Variants in ARHGEF10 observed in about 807,000 individuals in gnomAD.
The protein encoded by ARHGEF10 is Rho guanine nucleotide exchange factor 10.
In ARHGEF10, 140 loss-of-function variants were observed where a neutral mutation model predicts 147.4. The observed-to-expected ratio is 0.95, with a 90% CI of 0.83 to 1.09. The LOEUF is 1.09. Ranked by LOEUF, ARHGEF10 falls within the 50% of genes least tolerant of loss-of-function variation. The probability of loss-of-function intolerance (pLI) is 0.00; values close to 1 mark genes in which losing one functional copy is unlikely to be tolerated. For missense variants in ARHGEF10, 2,222 were observed against 1,752.7 expected (o/e 1.27, Z -4.78); for synonymous variants, 902 against 695.8 (o/e 1.30, Z -4.67).
intron 23 of ARHGEF10, chr8:1,927,318 G>A (rs1812764875): frequency 6.6e-6 from 1 of 152,208 alleles, no homozygotes; most frequent in African/African-American, 2.4e-5. Flanking sequence ...CAGGGGCTTG[G>A]CAGATTGGCA....
At chr8:1,890,577 GTA>G (rs1809437825) in intron 11 of ARHGEF10, among the ~76,000 whole-genome samples, 1 of 151,266 alleles carries the variant, frequency 6.6e-6, no homozygotes, top group African/African-American at 2.4e-5. Context: ...CACTGAGTGT[GTA>G]AGGGTCTGTG....
chr8:1,887,519 G>C (rs1808779614), intron 11 of ARHGEF10, among the ~76,000 whole-genome samples: 3 of 151,286 alleles, frequency 2.0e-5, no homozygotes, highest in Non-Finnish European at 2.9e-5. Context: ...GAGACCCTGA[G>C]TGGGGTGAGG....
chr8:1,952,277 G>A (rs1342846727), intron 27 of ARHGEF10, among the ~76,000 whole-genome samples: 1 of 152,230 alleles, frequency 6.6e-6, no homozygotes, highest in Non-Finnish European at 1.5e-5. Context: ...CCCATTAAGA[G>A]ACCTCTCCTC....
chr8:1,830,843 G>T (rs1803054913), intron 1 of ARHGEF10, among the ~76,000 whole-genome samples: 1 of 152,246 alleles, frequency 6.6e-6, no homozygotes, highest in South Asian at 2.1e-4. Context: ...GCCATGGCAG[G>T]CGAGGCGCCA....
intron 27 of ARHGEF10, among the ~76,000 whole-genome samples, chr8:1,952,265 C>T (rs576976662): frequency 4.7e-4 from 71 of 152,310 alleles, no homozygotes; most frequent in African/African-American, 1.6e-3. Context: ...AGTCCAGCCG[C>T]GCCCATTAAG....
rs1292006038 is a variant in ARHGEF10 at position 1,946,046 on chromosome 8, G to C, written c.3397+391G>C. 4 of 371,260 alleles carry C rather than the reference G, an allele frequency of 1.1e-5. No individual in the cohort carries two copies. In the East Asian group the frequency reaches 2.0e-4, roughly 18 times the overall value. 23.0% of individuals were successfully genotyped at this position (371,260 alleles called of 1,614,324 possible). Reference sequence around the variant, plus strand: ...ACAGGAGGCCTCCCTTTGGCTGGGAGGGCTGTTGGGGAGAGGCCAACAGAG... The same window carrying C: ...ACAGGAGGCCTCCCTTTGGCTGGGACGGCTGTTGGGGAGAGGCCAACAGAG... On this transcript the variant is annotated intron_variant, in intron 27 of 28. Transcript: ENST00000349830.
At chr8:1,844,873 C>T (rs912394266) in intron 2 of ARHGEF10, among the ~76,000 whole-genome samples, 1 of 151,996 alleles carries the variant, frequency 6.6e-6, no homozygotes, top group South Asian at 2.1e-4. Context: ...TTGAGACCAG[C>T]CTGGGCAACG....
chr8:1,856,726 T>C (rs551379508), intron 2 of ARHGEF10, among the ~76,000 whole-genome samples: 1 of 152,164 alleles, frequency 6.6e-6, no homozygotes, highest in Non-Finnish European at 1.5e-5. Flanking sequence ...CCACGGGGGA[T>C]TGTCTGTGTT....
At chr8:1,826,568 G>T (rs1256231494) in intron 1 of ARHGEF10, among the ~76,000 whole-genome samples, 2 of 152,170 alleles carry the variant, frequency 1.3e-5, no homozygotes, top group African/African-American at 4.8e-5. Context: ...GGACTTGAGG[G>T]TGCTCACTTA....
chr8:1,828,175 G>C (rs1200933435), intron 1 of ARHGEF10, among the ~76,000 whole-genome samples: 1 of 152,244 alleles, frequency 6.6e-6, no homozygotes, highest in Non-Finnish European at 1.5e-5. Context: ...TCAGGCTCCT[G>C]CAAGTCGTAG....
chr8:1,910,170 A>G (rs1811253380), intron 18 of ARHGEF10, among the ~76,000 whole-genome samples: 1 of 152,216 alleles, frequency 6.6e-6, no homozygotes, highest in Non-Finnish European at 1.5e-5. Flanking sequence ...AGAACAATTT[A>G]AAAAACACGA....
chr8:1,945,781 T>C, intron 27 of ARHGEF10, 126 bp downstream of exon 27: 2 of 1,407,510 alleles, frequency 1.4e-6, no homozygotes, highest in Non-Finnish European at 2.0e-6. Flanking sequence ...TGCTGCCAGG[T>C]AATGGGGTGG....
Position 1,885,662 on chromosome 8 carries a change from G to A in ARHGEF10, c.1137G>A (p.Pro379=), listed in dbSNP as rs954203248. The A allele has an allele frequency of 8.7e-6, 14 of 1,613,986 alleles. No homozygotes were observed. The highest frequency in any genetic ancestry group is 3.3e-5 in the Admixed American group (2 of 60,012). ...TCATTGATGTTGACTGCAAGCACCC[G>A]GAAGCCATCTTGACCCCGATGCCCG... ...NLFIDVDCKH[P]EAILTPMPEG... Residue 379 remains proline (P), a synonymous_variant, in exon 11 of 29, where the codon CCG becomes CCA. Transcript: ENST00000349830.
chr8:1,911,153 G>T (rs1381925071), intron 18 of ARHGEF10, among the ~76,000 whole-genome samples: 1 of 152,184 alleles, frequency 6.6e-6, no homozygotes, highest in Non-Finnish European at 1.5e-5. Context: ...CTATTAAAAA[G>T]AAATATGCCA....
At chr8:1,828,072 C>G (rs1171119311) in intron 1 of ARHGEF10, among the ~76,000 whole-genome samples, 1 of 152,182 alleles carries the variant, frequency 6.6e-6, no homozygotes. Flanking sequence ...ATGAAGAAAA[C>G]AGAAGGAATG....
At chr8:1,930,731 T>C (rs1273554995) in intron 25 of ARHGEF10, among the ~76,000 whole-genome samples, 2 of 152,246 alleles carry the variant, frequency 1.3e-5, no homozygotes, top group African/African-American at 4.8e-5. Flanking sequence ...GGAGGCTCTC[T>C]CGACCTGCTC....
intron 18 of ARHGEF10, among the ~76,000 whole-genome samples, chr8:1,910,738 A>T (rs1750064000): frequency 6.6e-6 from 1 of 152,220 alleles, no homozygotes; most frequent in South Asian, 2.1e-4. Flanking sequence ...ATTATTTGGA[A>T]ACATTGATTG....
chr8:1,946,276 G>A (rs1814583732), intron 27 of ARHGEF10, among the ~76,000 whole-genome samples: 1 of 152,246 alleles, frequency 6.6e-6, no homozygotes, highest in African/African-American at 2.4e-5. Flanking sequence ...TTCTTTGCCT[G>A]CTGGTGGGTA....
chr8:1,922,931 T>C (rs779771972), intron 18 of ARHGEF10, 33 bp from the exon 19 acceptor site: 1 of 1,466,938 alleles, frequency 6.8e-7, no homozygotes, highest in South Asian at 1.1e-5. Context: ...TTTACCTTTG[T>C]ATTCTTTTTT....
Sources: allele counts gnomAD v4.1 joint callset (sites outside exome capture counted in the v4.1 genomes callset), GRCh38; gene constraint gnomAD v4.1.1; transcripts MANE v1.5; gene names NCBI Gene and HGNC (gene_info 2026-07-23, HGNC 2026-07-21).